VEPH1: variants seen among roughly 807,000 people sequenced by gnomAD.
The protein encoded by VEPH1 is ventricular zone-expressed PH domain-containing protein homolog 1.
Under a neutral mutation model 85.2 loss-of-function variants are expected in VEPH1, and 80 were observed. That is an observed-to-expected ratio of 0.94 (90% CI 0.78 to 1.13). The LOEUF (loss-of-function observed/expected upper bound fraction) is 1.13. Ranked by LOEUF, VEPH1 falls within the 50% of genes most tolerant of loss-of-function variation. The pLI, the probability that VEPH1 is intolerant of heterozygous loss-of-function variation, is 0.00. For synonymous variants in VEPH1, 297 were observed against 348.0 expected, an observed-to-expected ratio of 0.85 and a Z score of 1.63; for missense variants, 955 against 980.5, an observed-to-expected ratio of 0.97 and a Z score of 0.35.
intron 4 of VEPH1, 93 bp downstream of exon 4, chr3:157,460,088 T>C: frequency 1.9e-6 from 3 of 1,611,846 alleles, no homozygotes; most frequent in South Asian, 1.1e-5. Context: ...TCTAATACTC[T>C]AGGTCTTGCT....
intron 6 of VEPH1, among the ~76,000 whole-genome samples, chr3:157,383,467 TATAA>T (rs1728981811): frequency 6.6e-6 from 1 of 152,234 alleles, no homozygotes; most frequent in Non-Finnish European, 1.5e-5. Flanking sequence ...AATATGACCT[TATAA>T]ATAAAGTATG....
At chr3:157,487,235 G>A (rs1020525612) in intron 2 of VEPH1, among the ~76,000 whole-genome samples, 31 of 151,992 alleles carry the variant, frequency 2.0e-4, no homozygotes, top group African/African-American at 7.0e-4. Context: ...ACTTTAAAAA[G>A]TAGAAGGCAA....
At chr3:157,428,022 C>T (rs1443667240) in intron 5 of VEPH1, among the ~76,000 whole-genome samples, 2 of 152,190 alleles carry the variant, frequency 1.3e-5, no homozygotes, top group African/African-American at 4.8e-5. Flanking sequence ...TTCTCCTGTC[C>T]TCAGACTGTA....
chr3:157,307,669 C>T (rs2108491288), intron 11 of VEPH1, among the ~76,000 whole-genome samples: 1 of 151,912 alleles, frequency 6.6e-6, no homozygotes, highest in East Asian at 1.9e-4. Flanking sequence ...ATTTCCTCCC[C>T]CACAGTCTTT....
chr3:157,368,620 T>C (rs1727022280), intron 7 of VEPH1, among the ~76,000 whole-genome samples: 1 of 152,004 alleles, frequency 6.6e-6, no homozygotes, highest in Non-Finnish European at 1.5e-5. Context: ...GCCCCCCGAG[T>C]AGCTGGGACT....
intron 9 of VEPH1, among the ~76,000 whole-genome samples, chr3:157,322,723 T>C (rs1344841545): frequency 6.6e-6 from 1 of 152,220 alleles, no homozygotes; most frequent in African/African-American, 2.4e-5. Context: ...TCTGCCTACT[T>C]GACACTAGCG....
chr3:157,331,428 C>T (rs879700391), intron 9 of VEPH1, among the ~76,000 whole-genome samples: 3 of 152,196 alleles, frequency 2.0e-5, no homozygotes, highest in Non-Finnish European at 4.4e-5. Flanking sequence ...ATATTCTTTA[C>T]TTCTTTCAGC....
chr3:157,437,941 T>A (rs778623492), intron 4 of VEPH1: 19 of 1,526,042 alleles, frequency 1.2e-5, no homozygotes, highest in Non-Finnish European at 1.7e-5. Context: ...GGCCGGGACC[T>A]CCCACTGCGG....
At chr3:157,287,656 C>A (rs534910758) in intron 11 of VEPH1, among the ~76,000 whole-genome samples, 1 of 151,980 alleles carries the variant, frequency 6.6e-6, no homozygotes, top group African/African-American at 2.4e-5. Flanking sequence ...CCTTCACCTC[C>A]TGGGTTCAAG....
At chr3:157,399,837 A>G (rs1035937028) in intron 6 of VEPH1, among the ~76,000 whole-genome samples, 1 of 152,142 alleles carries the variant, frequency 6.6e-6, no homozygotes, top group Non-Finnish European at 1.5e-5. Flanking sequence ...GCAGAAAATA[A>G]ATAAATAAAA....
At position 157,260,632 on chromosome 3, in the gene VEPH1, T is replaced by C. The variant is rs1712745241; in HGVS notation, c.*502A>G. 1 of 152,292 alleles carries C rather than the reference T, an allele frequency of 6.6e-6. No homozygotes were observed. Among genetic ancestry groups the C allele is most frequent in the Non-Finnish European group, 1.5e-5 (1 of 68,142 alleles). 9.4% of individuals were successfully genotyped at this position (152,292 alleles called of 1,614,324 possible). A position where few individuals can be genotyped will look rare whatever the true frequency, so the allele number is the denominator to read the frequency against. On this transcript the variant is annotated 3_prime_UTR_variant, in exon 14 of 14. Coordinates refer to ENST00000362010, the MANE Select transcript of VEPH1 (RefSeq NM_001167912.2). ...AGTAAGAGAGGATCATGTAATTATA[T>C]GTCTATAAGTAAGTTATATGGTTTT...
chr3:157,377,985 A>G (rs566449643), intron 7 of VEPH1, among the ~76,000 whole-genome samples: 1 of 152,140 alleles, frequency 6.6e-6, no homozygotes, highest in African/African-American at 2.4e-5. Flanking sequence ...CCTTGTGTCC[A>G]TAGGGAAAAT....
chr3:157,392,893 T>C (rs771568696), intron 6 of VEPH1, among the ~76,000 whole-genome samples: 1 of 152,224 alleles, frequency 6.6e-6, no homozygotes, highest in Non-Finnish European at 1.5e-5. Flanking sequence ...CTTATTGGTA[T>C]AACCCCCAGC....
At chr3:157,369,140 C>CA (rs1168799777) in intron 7 of VEPH1, among the ~76,000 whole-genome samples, 1 of 72,058 alleles carries the variant, frequency 1.4e-5, no homozygotes, top group Non-Finnish European at 2.7e-5. Flanking sequence ...ACACAAAAAA[C>CA]AAAACAAACA....
At chr3:157,347,897 C>T (rs1356957762) in intron 9 of VEPH1, among the ~76,000 whole-genome samples, 2 of 152,232 alleles carry the variant, frequency 1.3e-5, no homozygotes, top group Non-Finnish European at 2.9e-5. Flanking sequence ...TACTCTCCAT[C>T]CGCTACCCAC....
chr3:157,473,219 C>T (rs1481107253), intron 2 of VEPH1, among the ~76,000 whole-genome samples: 1 of 151,696 alleles, frequency 6.6e-6, no homozygotes, highest in East Asian at 1.9e-4. Flanking sequence ...ACTATAGGAG[C>T]ATGCCACCAC....
chr3:157,329,530 T>A (rs1200266857), intron 9 of VEPH1, among the ~76,000 whole-genome samples: 1 of 152,244 alleles, frequency 6.6e-6, no homozygotes, highest in Non-Finnish European at 1.5e-5. Context: ...TCTTTCAAGT[T>A]GTCTTCATGT....
At chr3:157,471,417 C>T (rs530546562) in intron 2 of VEPH1, among the ~76,000 whole-genome samples, 2 of 152,296 alleles carry the variant, frequency 1.3e-5, no homozygotes, top group South Asian at 4.1e-4. Context: ...AAAGGACAGG[C>T]ACATTTTTAA....
At chr3:157,397,634 A>G (rs1730512684) in intron 6 of VEPH1, among the ~76,000 whole-genome samples, 1 of 152,058 alleles carries the variant, frequency 6.6e-6, no homozygotes, top group Non-Finnish European at 1.5e-5. Context: ...GAGGGCCTTC[A>G]CTTCCCTTGT....
Sources: gnomAD v4.1 joint callset for allele counts (sites outside exome capture counted in the v4.1 genomes callset) on GRCh38, gnomAD v4.1.1 for gene constraint, MANE v1.5 for transcripts, NCBI Gene and HGNC (gene_info 2026-07-23, HGNC 2026-07-21) for gene names.